Variants in SRGAP3 observed in about 807,000 individuals in gnomAD.
The protein encoded by SRGAP3 is SLIT-ROBO Rho GTPase activating protein 3, also known as SLIT-ROBO Rho GTPase-activating protein 3.
In SRGAP3, 39 loss-of-function variants were observed where a neutral mutation model predicts 121.1. That is an observed-to-expected ratio of 0.32 (90% CI 0.25 to 0.42). The LOEUF (loss-of-function observed/expected upper bound fraction) is 0.42, where lower values mean the gene tolerates loss of function less well. Among genes scored for constraint, SRGAP3 ranks in the 10% least tolerant of loss-of-function variants. The pLI is 1.00. For missense variants in SRGAP3, 1,213 were observed against 1,470.6 expected, an observed-to-expected ratio of 0.82 and a Z score of 2.86; for synonymous variants, 601 against 570.0, an observed-to-expected ratio of 1.05 and a Z score of -0.77.
Position 9,026,965 on chromosome 3 carries a change from C to T in SRGAP3, c.1570G>A (p.Glu524Lys), listed in dbSNP as rs768114904. The T allele has an allele frequency of 1.1e-5, 17 of 1,614,054 alleles. No individual in the cohort carries two copies. The highest frequency in any genetic ancestry group is 7.7e-5 in the South Asian group (7 of 91,084). Residue 524 changes from glutamate (E) to lysine (K), a missense_variant, in exon 13 of 22, where the codon GAG (glutamate) becomes AAG (lysine). This residue lies in a region of SRGAP3 where 793 missense variants were observed against 1,032.9 expected (regional missense o/e 0.77). Transcript: ENST00000383836. ...DSGQAIPLVV[E>K]SCIRYINLYG... is the part of the protein sequence containing the mutation. ...AAATTGATGTAACGGATGCAGCTCTCGACTACAAGCGGTATAGCTTGTCCT... is the reference window on the plus strand; with the variant it reads ...AAATTGATGTAACGGATGCAGCTCTTGACTACAAGCGGTATAGCTTGTCCT...
In SRGAP3 at chr3:9,229,372, AG is replaced by A. The variant is rs575402280; in HGVS notation, c.67+19512del. 1.1e-4 allele frequency among the ~76,000 whole-genome samples: 17 copies of A among 152,314 alleles called. No individual in the cohort carries two copies. The South Asian group carries it at 2.1e-3, about 19-fold the overall frequency. ...CTATAGGAAAGGGGTCAGATACTCC[AG>A]CTGTCCCCCAAGGCTGACCCACTCC... On this transcript the variant is annotated intron_variant, in intron 1 of 21. Transcript: ENST00000383836.
At chr3:9,051,439 C>G (rs577359317) in intron 9 of SRGAP3, among the ~76,000 whole-genome samples, 19 of 152,076 alleles carry the variant, frequency 1.2e-4, no homozygotes, top group African/African-American at 4.3e-4. Flanking sequence ...GGAGACAGCA[C>G]GTATGCTGAG....
At chr3:8,993,267 T>C (rs1230315106) in intron 19 of SRGAP3, among the ~76,000 whole-genome samples, 1 of 152,230 alleles carries the variant, frequency 6.6e-6, no homozygotes, top group African/African-American at 2.4e-5. Context: ...TGGGACCCTC[T>C]TCTGTCCCAC....
intron 3 of SRGAP3, among the ~76,000 whole-genome samples, chr3:9,085,252 C>A (rs960304836): frequency 6.6e-6 from 1 of 152,180 alleles, no homozygotes; most frequent in African/African-American, 2.4e-5. Flanking sequence ...GTAGTCCTTG[C>A]CCAAAGACTG....
At chr3:9,134,593 G>C (rs2125014004) in intron 1 of SRGAP3, among the ~76,000 whole-genome samples, 1 of 152,134 alleles carries the variant, frequency 6.6e-6, no homozygotes, top group African/African-American at 2.4e-5. Flanking sequence ...AAGTGGCAAA[G>C]CCAGGGCTGA....
chr3:9,097,364 A>C (rs1315410441), intron 3 of SRGAP3, among the ~76,000 whole-genome samples: 1 of 152,126 alleles, frequency 6.6e-6, no homozygotes, highest in African/African-American at 2.4e-5. Flanking sequence ...TTTAGTCCTT[A>C]CAACAACCTT....
At chr3:9,338,516 C>T (rs1410941975) in intron 1 of SRGAP3, among the ~76,000 whole-genome samples, 1 of 152,160 alleles carries the variant, frequency 6.6e-6, no homozygotes. Flanking sequence ...GAAACTAAGT[C>T]ATAGGATTAA....
chr3:9,071,616 T>C (rs1946719498), intron 4 of SRGAP3, among the ~76,000 whole-genome samples: 1 of 150,862 alleles, frequency 6.6e-6, no homozygotes. Context: ...AAACCAGAAG[T>C]GGGAGAGAGA....
chr3:9,276,459 A>G (rs951643611), intron 3 of SRGAP3, among the ~76,000 whole-genome samples: 2 of 144,230 alleles, frequency 1.4e-5, no homozygotes, highest in African/African-American at 5.2e-5. Flanking sequence ...GGAGTCTCCC[A>G]CTGTCGCCCA....
At chr3:9,264,697 G>A (rs1466654576) in intron 3 of SRGAP3, among the ~76,000 whole-genome samples, 18 of 151,164 alleles carry the variant, frequency 1.2e-4, no homozygotes, top group Non-Finnish European at 8.9e-5. Flanking sequence ...GAGAACTACA[G>A]AGCACTGCTC....
chr3:9,305,612 A>C (rs1440813611), intron 3 of SRGAP3, among the ~76,000 whole-genome samples: 1 of 150,638 alleles, frequency 6.6e-6, no homozygotes, highest in African/African-American at 2.4e-5. Flanking sequence ...CCCTGTGTCC[A>C]GGTGTTCTCA....
intron 3 of SRGAP3, among the ~76,000 whole-genome samples, chr3:9,257,708 T>TG (rs2125254473): frequency 7.8e-6 from 1 of 128,356 alleles, no homozygotes; most frequent in Non-Finnish European, 1.7e-5. Context: ...CTTTTTTTTT[T>TG]TTTTTTTTTT....
upstream of SRGAP3, among the ~76,000 whole-genome samples, chr3:9,249,960 T>C (rs1953965517): frequency 6.6e-6 from 1 of 152,222 alleles, no homozygotes; most frequent in African/African-American, 2.4e-5. Context: ...ATATGATGGT[T>C]TGTCACTCTA....
chr3:9,257,687 C>G (rs1954160678), intron 3 of SRGAP3, among the ~76,000 whole-genome samples: 1 of 111,822 alleles, frequency 8.9e-6, no homozygotes, highest in East Asian at 2.7e-4. Context: ...ACTCATTAAA[C>G]AAAATAGCTC....
In SRGAP3 at chr3:9,124,915, T is replaced by C. The variant is rs776284651; in HGVS notation, c.70A>G (p.Ile24Val). 32 of 1,613,898 alleles carry C rather than the reference T, an allele frequency of 2.0e-5. No homozygotes were observed. The highest frequency in any genetic ancestry group is 8.5e-7 in the Non-Finnish European group (1 of 1,180,012). The change falls in exon 2 of 22, where the codon ATC becomes GTC. Residue 24 changes from isoleucine to valine, a missense_variant and splice_region_variant. Ile to Val is a conservative substitution (Grantham distance 29). Transcript: ENST00000383836. Reference protein sequence around the residue: ...IAEYEAQIKEIRTQLVEQFKC... With the variant: ...IAEYEAQIKEVRTQLVEQFKC... ...AACTGCTCCACCAGCTGCGTGCGGA[T>C]CTCTGCGGGCACACAAGGGTAGGAG...
chr3:9,212,537 T>C (rs1397188219), intron 1 of SRGAP3, among the ~76,000 whole-genome samples: 3 of 126,610 alleles, frequency 2.4e-5, no homozygotes, highest in African/African-American at 5.3e-5. Flanking sequence ...CTGGCCAACA[T>C]GGTGAAACCT....
intron 3 of SRGAP3, among the ~76,000 whole-genome samples, chr3:9,288,133 T>G (rs560954999): frequency 2.7e-5 from 4 of 150,262 alleles, no homozygotes; most frequent in South Asian, 4.2e-4. Flanking sequence ...TATCTTTGTT[T>G]TTTTTTTTTT....
At chr3:9,153,014 A>G (rs1169233380) in intron 1 of SRGAP3, among the ~76,000 whole-genome samples, 1 of 152,142 alleles carries the variant, frequency 6.6e-6, no homozygotes, top group East Asian at 1.9e-4. Context: ...ATCCCAATCA[A>G]ACTCTCCAGT....
chr3:9,354,837 CT>C (rs988409152), intron 1 of SRGAP3, among the ~76,000 whole-genome samples: 9 of 152,200 alleles, frequency 5.9e-5, no homozygotes, highest in African/African-American at 2.2e-4. Flanking sequence ...CTTGTTTACT[CT>C]TTAGTTTAAT....
Sources: gnomAD v4.1 joint callset for allele counts (sites outside exome capture counted in the v4.1 genomes callset) on GRCh38, gnomAD v4.1.1 for gene constraint, gnomAD v4.1.1 regional missense constraint, MANE v1.5 for transcripts, NCBI Gene and HGNC (gene_info 2026-07-23, HGNC 2026-07-21) for gene names.